The following DOK5 variants were observed in gnomAD, a reference collection of about 807,000 sequenced individuals.
DOK5 encodes the protein downstream of tyrosine kinase 5.
In DOK5, 27 loss-of-function variants were observed where a neutral mutation model predicts 43.3. The ratio of observed to expected loss-of-function variants is 0.62; its 90% CI spans 0.46 to 0.86. The LOEUF (loss-of-function observed/expected upper bound fraction) is 0.86, where lower values mean the gene tolerates loss of function less well. Among genes scored for constraint, DOK5 ranks in the 40% least tolerant of loss-of-function variants. The probability of loss-of-function intolerance (pLI) is 0.00; values close to 1 mark genes in which losing one functional copy is unlikely to be tolerated. For missense variants in DOK5, 373 were observed against 392.9 expected (o/e 0.95, Z 0.43); for synonymous variants, 146 against 140.1 (o/e 1.04, Z -0.30).
At chr20:54,609,689 T>G (rs1483209481) in intron 5 of DOK5, among the ~76,000 whole-genome samples, 1 of 152,190 alleles carries the variant, frequency 6.6e-6, no homozygotes, top group Admixed American at 6.5e-5. Flanking sequence ...ATTAATGAAA[T>G]TTATTTCTCT....
chr20:54,511,459 A>G (rs932110878), intron 1 of DOK5, among the ~76,000 whole-genome samples: 1 of 152,234 alleles, frequency 6.6e-6, no homozygotes, highest in Non-Finnish European at 1.5e-5. Flanking sequence ...AAGGTGGTAG[A>G]TAGCTGATAA....
At chr20:54,622,854 G>A (rs1387421020) in intron 6 of DOK5, among the ~76,000 whole-genome samples, 1 of 152,130 alleles carries the variant, frequency 6.6e-6, no homozygotes, top group Non-Finnish European at 1.5e-5. Context: ...TGAGGACTGA[G>A]AGAAGAAAGA....
At chr20:54,545,881 A>G (rs1984325702) in intron 1 of DOK5, among the ~76,000 whole-genome samples, 1 of 152,254 alleles carries the variant, frequency 6.6e-6, no homozygotes, top group African/African-American at 2.4e-5. Context: ...TAGATTATCT[A>G]TAAAGTAGTC....
intron 5 of DOK5, among the ~76,000 whole-genome samples, chr20:54,608,853 T>G (rs1046212001): frequency 3.9e-5 from 6 of 152,060 alleles, no homozygotes; most frequent in African/African-American, 1.4e-4. Flanking sequence ...TTTGTATTTT[T>G]TAGTAGAGAC....
At chr20:54,555,321 C>G (rs80058323) in intron 2 of DOK5, 7,078 of 289,642 alleles carry the variant, frequency 0.024, 127 homozygotes, top group Non-Finnish European at 0.035. Flanking sequence ...ACTGAAGCCC[C>G]GAGAGGATGA....
intron 7 of DOK5, among the ~76,000 whole-genome samples, chr20:54,647,670 TCTGGTA>T (rs1321269186): frequency 6.8e-6 from 1 of 146,482 alleles, no homozygotes; most frequent in African/African-American, 2.6e-5. Context: ...GAAAGCTAAC[TCTGGTA>T]GACAGCACCT....
At chr20:54,593,172 G>A (rs1986034516) in intron 5 of DOK5, among the ~76,000 whole-genome samples, 1 of 151,950 alleles carries the variant, frequency 6.6e-6, no homozygotes, top group East Asian at 1.9e-4. Flanking sequence ...GCAGGAGAAT[G>A]GCGTGAACCT....
intron 6 of DOK5, among the ~76,000 whole-genome samples, chr20:54,624,974 G>A (rs1020550488): frequency 6.6e-6 from 1 of 151,870 alleles, no homozygotes; most frequent in African/African-American, 2.4e-5. Context: ...TCCCTTAGCA[G>A]GAAAGCGGTC....
At chr20:54,629,292 G>A (rs531620824) in intron 6 of DOK5, among the ~76,000 whole-genome samples, 2 of 152,292 alleles carry the variant, frequency 1.3e-5, no homozygotes, top group East Asian at 1.9e-4. Flanking sequence ...CTTGAAACCG[G>A]TGAATAGAAT....
At chr20:54,619,086 G>C in intron 6 of DOK5, among the ~76,000 whole-genome samples, 1 of 120,654 alleles carries the variant, frequency 8.3e-6, no homozygotes, top group Non-Finnish European at 1.7e-5. Flanking sequence ...AAAAATCACT[G>C]TTAAATGAAA....
intron 6 of DOK5, among the ~76,000 whole-genome samples, chr20:54,634,605 C>A (rs1439050186): frequency 1.3e-5 from 2 of 151,856 alleles, no homozygotes. Flanking sequence ...CCATGCCCGG[C>A]TAATTTTTTG....
intron 1 of DOK5, 71 bp downstream of exon 1, chr20:54,476,083 A>C: frequency 6.3e-7 from 1 of 1,595,260 alleles, no homozygotes; most frequent in Non-Finnish European, 8.5e-7. Context: ...GCATCCCTGG[A>C]GGGTGGACGG....
intron 1 of DOK5, among the ~76,000 whole-genome samples, chr20:54,534,525 A>C (rs558305709): frequency 3.3e-5 from 5 of 152,294 alleles, no homozygotes; most frequent in African/African-American, 1.2e-4. Context: ...TGTTACCTTG[A>C]TCACATTGCT....
chr20:54,547,882 A>T (rs1230582305), intron 1 of DOK5, among the ~76,000 whole-genome samples: 3 of 152,212 alleles, frequency 2.0e-5, no homozygotes, highest in Non-Finnish European at 4.4e-5. Flanking sequence ...AGATATTCAC[A>T]AAGACACATA....
At chr20:54,616,532 T>C (rs1050377818) in intron 6 of DOK5, among the ~76,000 whole-genome samples, 33 of 152,248 alleles carry the variant, frequency 2.2e-4, no homozygotes, top group African/African-American at 8.0e-4. Context: ...CTACTGATGC[T>C]GTGGCTAACT....
chr20:54,485,276 G>A (rs966908432), intron 1 of DOK5, among the ~76,000 whole-genome samples: 6 of 151,430 alleles, frequency 4.0e-5, no homozygotes, highest in African/African-American at 1.5e-4. Flanking sequence ...GGAGGTTGCA[G>A]TGAGCGGCGG....
chr20:54,476,008 T>A lies in DOK5; in HGVS notation c.62T>A (p.Leu21His). ...TACGTGAGGATCCGGAGCAGACGCC[T>A]CGGGGTGAGTATCGATCCTCTCCGT... ...QGYVRIRSRRLGIYQRCWLVF... is the reference protein window; with the variant it reads ...QGYVRIRSRRHGIYQRCWLVF... Residue 21 changes from leucine to histidine, a missense_variant, in exon 1 of 8, where the codon CTC becomes CAC. By Grantham distance (99) the Leu-to-His change is moderately conservative. Transcript: ENST00000262593. The A allele has an allele frequency of 2.5e-6, 4 of 1,613,322 alleles. No individual in the cohort carries two copies. The highest frequency in any genetic ancestry group is 3.4e-6 in the Non-Finnish European group (4 of 1,179,910).
At chr20:54,557,712 C>A (rs1984760023) in intron 2 of DOK5, among the ~76,000 whole-genome samples, 1 of 152,176 alleles carries the variant, frequency 6.6e-6, no homozygotes, top group Non-Finnish European at 1.5e-5. Flanking sequence ...CCCCCAGGTA[C>A]CCACAGAGCT....
At chr20:54,591,543 C>A in intron 4 of DOK5, 73 bp from the exon 5 acceptor site, 1 of 1,163,566 alleles carries the variant, frequency 8.6e-7, no homozygotes, top group Non-Finnish European at 1.2e-6. Context: ...TTTTTAAATG[C>A]CTCTATGTTC....
Sources: gnomAD v4.1 joint callset for allele counts (sites outside exome capture counted in the v4.1 genomes callset) on GRCh38, gnomAD v4.1.1 for gene constraint, MANE v1.5 for transcripts, NCBI Gene and HGNC (gene_info 2026-07-23, HGNC 2026-07-21) for gene names.